COG4: variants seen among roughly 807,000 people sequenced by gnomAD.
The protein encoded by COG4 is conserved oligomeric Golgi complex subunit 4.
Under a neutral mutation model 95.1 loss-of-function variants are expected in COG4, and 65 were observed. That is an observed-to-expected ratio of 0.68 (90% CI 0.56 to 0.84). The LOEUF (loss-of-function observed/expected upper bound fraction) is 0.84. COG4 is among the 40% of genes least tolerant of loss of function. COG4 has a pLI of 0.00. For missense variants in COG4, 1,045 were observed against 989.1 expected, an observed-to-expected ratio of 1.06 and a Z score of -0.76; for synonymous variants, 421 against 374.8, an observed-to-expected ratio of 1.12 and a Z score of -1.42.
chr16:70,483,322 T>C, intron 14 of COG4, among the ~76,000 whole-genome samples: 4 of 124,608 alleles, frequency 3.2e-5, no homozygotes, highest in African/African-American at 9.5e-5. Context: ...CCCTTCCCTC[T>C]CTCCTCTCCC....
rs1193675013 is a variant in COG4, at chr16:70,497,139, AC to A, written c.1481+81del. The A allele has an allele frequency of 6.7e-6, 9 of 1,335,802 alleles. No homozygotes were observed. The African/African-American group carries it at 1.2e-4, about 17-fold the overall frequency. 82.7% of individuals were successfully genotyped at this position (1,335,802 alleles called of 1,614,324 possible). Reference sequence around the variant, plus strand: ...ATAGAACTTAACTAGAATCATGAGGACAAAGGGCAGAAACAAATGGGCCTCA... The same window carrying A: ...ATAGAACTTAACTAGAATCATGAGGAAAAGGGCAGAAACAAATGGGCCTCA... On this transcript the variant is annotated intron_variant, in intron 11 of 18. Transcript: ENST00000323786.
rs2048974027 is a variant in COG4, at chr16:70,480,820, A to G, written c.*190T>C. The G allele has an allele frequency of 1.5e-6, 1 of 652,378 alleles. No individual in the cohort carries two copies. The highest frequency in any genetic ancestry group is 2.7e-5 in the East Asian group (1 of 36,684). 40.4% of individuals were successfully genotyped at this position (652,378 alleles called of 1,614,324 possible). A position where few individuals can be genotyped will look rare whatever the true frequency, so the allele number is the denominator to read the frequency against. On this transcript the variant is annotated 3_prime_UTR_variant, in exon 19 of 19. Coordinates refer to ENST00000323786, the MANE Select transcript of COG4 (RefSeq NM_015386.3). ...CTCGGTGGGGAGATGCTGCCCCCAG[A>G]GCATCACCTGGCCAGGTCTGAGGGC...
intron 9 of COG4, 64 bp from the exon 10 acceptor site, chr16:70,498,119 T>G (rs937140819): frequency 5.1e-6 from 5 of 981,492 alleles, no homozygotes; most frequent in Non-Finnish European, 8.3e-6. Context: ...GCAACTTTTT[T>G]CATTTTTTCA....
chr16:70,514,609 G>A, intron 3 of COG4, 100 bp from the exon 4 acceptor site: 1 of 959,724 alleles, frequency 1.0e-6, no homozygotes, highest in South Asian at 1.4e-5. Flanking sequence ...TCAACCATAT[G>A]TCAATAGCAA....
intron 12 of COG4, among the ~76,000 whole-genome samples, chr16:70,495,228 T>TAA (rs531628464): frequency 5.0e-5 from 6 of 118,826 alleles, no homozygotes; most frequent in East Asian, 2.4e-4. Context: ...CAGTCTTTAC[T>TAA]AAAAAAAAAA....
At chr16:70,514,314 C>T in intron 4 of COG4, 21 bp downstream of exon 4, 3 of 1,613,132 alleles carry the variant, frequency 1.9e-6, no homozygotes, top group Non-Finnish European at 2.5e-6. Flanking sequence ...AAACTAAAAA[C>T]CAACAGTTTC....
rs112614705 is a variant in COG4 at position 70,503,177 on chromosome 16, A to G, written c.1062-2086T>C. ...GGCAATCCTCCCACCTCAGCCTCCC[A>G]AGTAGCTGGGATTATAGACATGTGC... On this transcript the variant is annotated intron_variant, in intron 8 of 18. Transcript: ENST00000323786. 9.9e-5 allele frequency among the ~76,000 whole-genome samples: 15 copies of G among 152,198 alleles called. 1 individual carries two copies. The highest frequency in any genetic ancestry group is 3.6e-4 in the African/African-American group (15 of 41,544).
At chr16:70,511,950 G>A (rs1045894417) in intron 5 of COG4, among the ~76,000 whole-genome samples, 13 of 152,036 alleles carry the variant, frequency 8.6e-5, no homozygotes, top group South Asian at 4.2e-4. Context: ...AAAAAAGAGT[G>A]ATTCAACTTG....
At chr16:70,482,295 A>T in intron 15 of COG4, 120 bp from the exon 16 acceptor site, 2 of 761,136 alleles carry the variant, frequency 2.6e-6, no homozygotes. Context: ...GTGCCTTCTG[A>T]CTCATCTAGT....
intron 4 of COG4, among the ~76,000 whole-genome samples, chr16:70,513,441 C>T (rs563082117): frequency 5.9e-5 from 9 of 152,184 alleles, no homozygotes; most frequent in Non-Finnish European, 5.9e-5. Context: ...GTAGGGGATC[C>T]ATTCCAAGAC....
intron 5 of COG4, among the ~76,000 whole-genome samples, chr16:70,511,442 C>T (rs1312576182): frequency 6.6e-6 from 1 of 151,796 alleles, no homozygotes; most frequent in Admixed American, 6.6e-5. Context: ...AGCTAAAAAA[C>T]GGCCAGGTGG....
At chr16:70,482,361 G>A (rs1433895567) in intron 15 of COG4, 186 bp from the exon 16 acceptor site, 7 of 669,656 alleles carry the variant, frequency 1.0e-5, no homozygotes, top group African/African-American at 1.8e-5. Context: ...ACAGCCCAGG[G>A]CTGTAGCAGT....
chr16:70,503,560 C>G (rs1227650516), intron 8 of COG4, among the ~76,000 whole-genome samples: 1 of 151,444 alleles, frequency 6.6e-6, no homozygotes, highest in Admixed American at 6.6e-5. Flanking sequence ...CTTGCTCTAT[C>G]TGGAATACTC....
rs142150529 is a variant in COG4 at position 70,506,507 on chromosome 16, G to A, written c.1061+1899C>T. Among the ~76,000 whole-genome samples the A allele has an allele frequency of 4.3e-4, 61 of 142,020 alleles. No homozygotes were observed. The East Asian group carries it at 0.01, about 23-fold the overall frequency. The allele number at this position is 142,020 out of a possible 152,430, so 93.2% of individuals were successfully genotyped here. A position where few individuals can be genotyped will look rare whatever the true frequency, so the allele number is the denominator to read the frequency against. On this transcript the variant is annotated intron_variant, in intron 8 of 18. Transcript: ENST00000323786. ...CTTGGGAGGCTGAGGCAGGAGAATCGCTAAACCTAGCAGGTGGAGGTTTTG... is the reference window on the plus strand; with the variant it reads ...CTTGGGAGGCTGAGGCAGGAGAATCACTAAACCTAGCAGGTGGAGGTTTTG...
At position 70,497,929 on chromosome 16, in the gene COG4, T is replaced by C. The variant is rs199544822; in HGVS notation, c.1314+8A>G. 8.0e-6 allele frequency: 12 copies of C among 1,498,088 alleles called. No individual in the cohort carries two copies. The East Asian group carries it at 1.1e-4, about 14-fold the overall frequency. The allele number at this position is 1,498,088 out of a possible 1,614,324, so 92.8% of individuals were successfully genotyped here. A position where few individuals can be genotyped will look rare whatever the true frequency, so the allele number is the denominator to read the frequency against. On this transcript the variant is annotated splice_region_variant and intron_variant, in intron 10 of 18. Transcript: ENST00000323786. ...CCCCATTTCCAAGAGATGCGTCCTA[T>C]GTCCTACCTTATTGACAGTCTCCCT...
intron 12 of COG4, among the ~76,000 whole-genome samples, chr16:70,495,163 G>A (rs1450759291): frequency 6.6e-6 from 1 of 151,720 alleles, no homozygotes; most frequent in Non-Finnish European, 1.5e-5. Context: ...GGCCAAGACG[G>A]GTGGATCACT....
rs547675478 is a variant in COG4, at chr16:70,488,881, A to G, written c.1710+1449T>C. Among the ~76,000 whole-genome samples the G allele has an allele frequency of 2.0e-4, 30 of 152,276 alleles. No individual in the cohort carries two copies. In the South Asian group the frequency reaches 6.0e-3, roughly 30 times the overall value. The stretch of plus-strand genomic sequence containing the variant: ...ACTGTTATTTTTAACTGTTAATACA[A>G]CTAATAAGTACCACTGCATGCCTCT... On this transcript the variant is annotated intron_variant, in intron 13 of 18. Coordinates refer to ENST00000323786, the MANE Select transcript of COG4 (RefSeq NM_015386.3).
intron 12 of COG4, 68 bp downstream of exon 12, chr16:70,496,198 T>C: frequency 3.2e-6 from 5 of 1,545,240 alleles, no homozygotes; most frequent in Non-Finnish European, 4.5e-6. Flanking sequence ...AATTATACTG[T>C]GGCTTAGCAG....
chr16:70,489,679 T>A (rs1391164452), intron 13 of COG4, among the ~76,000 whole-genome samples: 1 of 151,806 alleles, frequency 6.6e-6, no homozygotes, highest in African/African-American at 2.4e-5. Context: ...GCCTCAATCC[T>A]GTTTTTTCAT....
Sources: gnomAD v4.1 joint callset for allele counts (sites outside exome capture counted in the v4.1 genomes callset) on GRCh38, gnomAD v4.1.1 for gene constraint, MANE v1.5 for transcripts, NCBI Gene and HGNC (gene_info 2026-07-23, HGNC 2026-07-21) for gene names.